The following AGBL1 variants were observed in gnomAD, a reference collection of about 807,000 sequenced individuals.
The protein encoded by AGBL1 is cytosolic carboxypeptidase 4.
A neutral mutation model predicts 118.9 loss-of-function variants in AGBL1; 130 were observed. That is an observed-to-expected ratio of 1.09 (90% confidence interval 0.95 to 1.26). The LOEUF is 1.26. AGBL1 is among the 50% of genes most tolerant of loss of function. The probability of loss-of-function intolerance (pLI) is 0.00; values close to 1 mark genes in which losing one functional copy is unlikely to be tolerated. For synonymous variants in AGBL1, 555 were observed against 478.9 expected, an observed-to-expected ratio of 1.16 and a Z score of -2.08; for missense variants, 1,584 against 1,298.1, an observed-to-expected ratio of 1.22 and a Z score of -3.38.
chr15:86,259,360 A>G (rs545074612), intron 9 of AGBL1, among the ~76,000 whole-genome samples: 2 of 152,306 alleles, frequency 1.3e-5, no homozygotes, highest in Admixed American at 1.3e-4. Flanking sequence ...TTTAAGTTAT[A>G]GTTTCTTAAT....
At chr15:86,791,750 A>T (rs933739618) in intron 22 of AGBL1, among the ~76,000 whole-genome samples, 2 of 130,310 alleles carry the variant, frequency 1.5e-5, no homozygotes, top group Non-Finnish European at 1.7e-5. Context: ...ATATATATAT[A>T]TTTTGAGACA....
intron 1 of AGBL1, among the ~76,000 whole-genome samples, chr15:86,091,659 G>T (rs879592869): frequency 2.6e-5 from 4 of 152,130 alleles, no homozygotes; most frequent in African/African-American, 9.7e-5. Context: ...ACAATTCAGG[G>T]CAATAAGCCA....
At chr15:86,758,574 C>G (rs951245648) in intron 22 of AGBL1, among the ~76,000 whole-genome samples, 1 of 152,058 alleles carries the variant, frequency 6.6e-6, no homozygotes, top group African/African-American at 2.4e-5. Context: ...CGATAAGCAT[C>G]TGTTGAAAGT....
chr15:86,792,518 A>G (rs1275228852), intron 22 of AGBL1, among the ~76,000 whole-genome samples: 1 of 152,218 alleles, frequency 6.6e-6, no homozygotes, highest in Non-Finnish European at 1.5e-5. Flanking sequence ...AGTTATGTGA[A>G]TAACTTGGGT....
intron 24 of AGBL1, among the ~76,000 whole-genome samples, chr15:87,005,834 T>G (rs1022943338): frequency 6.6e-6 from 1 of 152,198 alleles, no homozygotes; most frequent in African/African-American, 2.4e-5. Flanking sequence ...TTTATCTACC[T>G]TTGGTCTTTG....
intron 21 of AGBL1, among the ~76,000 whole-genome samples, chr15:86,592,272 C>T (rs1334188708): frequency 6.6e-6 from 1 of 152,164 alleles, no homozygotes; most frequent in Non-Finnish European, 1.5e-5. Context: ...AACGGGTCTG[C>T]AGCAAACTCG....
intron 21 of AGBL1, among the ~76,000 whole-genome samples, chr15:86,605,988 G>A (rs530890279): frequency 2.6e-5 from 4 of 151,850 alleles, no homozygotes; most frequent in Middle Eastern, 3.2e-3. Flanking sequence ...TTAGCCTGGC[G>A]TGGTGGCAGG....
chr15:86,879,737 G>A (rs1317822109), intron 22 of AGBL1, among the ~76,000 whole-genome samples: 1 of 152,210 alleles, frequency 6.6e-6, no homozygotes, highest in Non-Finnish European at 1.5e-5. Flanking sequence ...TGCCAGGGAT[G>A]CTCACGAAAC....
At chr15:86,466,415 G>C (rs1471489423) in intron 18 of AGBL1, among the ~76,000 whole-genome samples, 1 of 152,134 alleles carries the variant, frequency 6.6e-6, no homozygotes, top group East Asian at 1.9e-4. Flanking sequence ...AAGGTTCTTA[G>C]CTTCCTTGCA....
intron 17 of AGBL1, among the ~76,000 whole-genome samples, chr15:86,327,881 G>A (rs569728238): frequency 6.6e-6 from 1 of 152,306 alleles, no homozygotes; most frequent in Admixed American, 6.5e-5. Flanking sequence ...CAGATGGGGT[G>A]TGTCGGGGTA....
intron 21 of AGBL1, among the ~76,000 whole-genome samples, chr15:86,605,236 G>C (rs1472724646): frequency 6.6e-6 from 1 of 152,006 alleles, no homozygotes; most frequent in African/African-American, 2.4e-5. Context: ...TTATCAACAA[G>C]CCTGTTCTTA....
At chr15:86,563,687 T>C (rs1233462587) in intron 21 of AGBL1, among the ~76,000 whole-genome samples, 2 of 152,082 alleles carry the variant, frequency 1.3e-5, no homozygotes, top group African/African-American at 2.4e-5. Flanking sequence ...GGATATCCTT[T>C]TTAACTTTCT....
At chr15:86,478,865 A>G (rs956332465) in intron 18 of AGBL1, among the ~76,000 whole-genome samples, 9 of 152,122 alleles carry the variant, frequency 5.9e-5, no homozygotes, top group Admixed American at 1.3e-4. Flanking sequence ...AAACAGCACG[A>G]TACTGGTACC....
At chr15:86,467,959 TCTG>T (rs1451747744) in intron 18 of AGBL1, among the ~76,000 whole-genome samples, 2 of 152,150 alleles carry the variant, frequency 1.3e-5, no homozygotes, top group African/African-American at 4.8e-5. Flanking sequence ...CTGCATCATT[TCTG>T]CTTGTTTATT....
Position 86,482,352 on chromosome 15 carries a change from G to A in AGBL1, c.2556-40458G>A, listed in dbSNP as rs117013519. Among the ~76,000 whole-genome samples, 372 of 152,254 alleles carry A rather than the reference G, an allele frequency of 2.4e-3. 2 individuals carry two copies. The highest frequency in any genetic ancestry group is 9.3e-3 in the Admixed American group (142 of 15,276). ...TATTATTGACTCTTGCCCAGAGCAT[G>A]GAGATGGATGGCCTCTGCCATGCTT... On this transcript the variant is annotated intron_variant, in intron 18 of 22. Transcript: ENST00000614907.
At chr15:86,984,378 T>TC (rs1205618236) in intron 23 of AGBL1, among the ~76,000 whole-genome samples, 5 of 148,224 alleles carry the variant, frequency 3.4e-5, no homozygotes, top group Admixed American at 2.7e-4. Context: ...TTTTTTTTTT[T>TC]CCTGGAGACA....
chr15:86,168,834 G>T (rs2077376696), intron 5 of AGBL1, among the ~76,000 whole-genome samples: 1 of 152,070 alleles, frequency 6.6e-6, no homozygotes, highest in Non-Finnish European at 1.5e-5. Context: ...TTGTTGTCTT[G>T]ATCTCAATTG....
At chr15:86,170,556 C>G (rs1320436878) in intron 5 of AGBL1, among the ~76,000 whole-genome samples, 1 of 152,068 alleles carries the variant, frequency 6.6e-6, no homozygotes, top group African/African-American at 2.4e-5. Context: ...TTAAACTTCT[C>G]AAAACCAGCC....
chr15:86,993,316 C>G (rs918764560), intron 24 of AGBL1, among the ~76,000 whole-genome samples: 1 of 152,044 alleles, frequency 6.6e-6, no homozygotes, highest in African/African-American at 2.4e-5. Flanking sequence ...GCCCTTTATT[C>G]AAAACTTCTA....
Sources: gnomAD v4.1 joint callset for allele counts (sites outside exome capture counted in the v4.1 genomes callset) on GRCh38, gnomAD v4.1.1 for gene constraint, MANE v1.5 for transcripts, NCBI Gene and HGNC (gene_info 2026-07-23, HGNC 2026-07-21) for gene names.